The following GRIP2 variants were observed in gnomAD, a reference collection of about 807,000 sequenced individuals.
GRIP2 encodes the protein glutamate receptor interacting protein 2.
GRIP2 carries 58 observed loss-of-function variants against 108.3 expected under a neutral mutation model. The ratio of observed to expected loss-of-function variants is 0.54; its 90% CI spans 0.43 to 0.67. GRIP2 has a LOEUF of 0.67. GRIP2 is among the 30% of genes least tolerant of loss of function. GRIP2 has a pLI of 0.00. For missense variants in GRIP2, 1,278 were observed against 1,430.6 expected, an observed-to-expected ratio of 0.89 and a Z score of 1.72; for synonymous variants, 586 against 598.2, an observed-to-expected ratio of 0.98 and a Z score of 0.30.
intron 11 of GRIP2, among the ~76,000 whole-genome samples, chr3:14,514,749 G>A (rs1219001726): frequency 6.6e-6 from 1 of 152,232 alleles, no homozygotes; most frequent in Non-Finnish European, 1.5e-5. Context: ...AGCAGGTTCT[G>A]GGGGGCAGTG....
chr3:14,517,904 C>A lies in GRIP2; in HGVS notation c.1031-7G>T, dbSNP rs749739107. 10 of 1,541,614 alleles carry A rather than the reference C, an allele frequency of 6.5e-6. No individual in the cohort carries two copies. Among genetic ancestry groups the A allele is most frequent in the Non-Finnish European group, 8.8e-6 (10 of 1,142,770 alleles). Reference sequence around the variant, plus strand: ...TCACTCCTCTGCACTTTCACTGTAGCCAGCGGAGAAAGAGGAAAGAGAGGT... The same window carrying A: ...TCACTCCTCTGCACTTTCACTGTAGACAGCGGAGAAAGAGGAAAGAGAGGT... On this transcript the variant is annotated splice_polypyrimidine_tract_variant and splice_region_variant and intron_variant, in intron 9 of 23. Coordinates refer to ENST00000621039, the MANE Select transcript of GRIP2 (RefSeq NM_001080423.4).
the GRIP2 span, among the ~76,000 whole-genome samples, chr3:14,589,488 C>T: frequency 1.3e-5 from 2 of 152,062 alleles, no homozygotes; most frequent in African/African-American, 4.8e-5. Flanking sequence ...ATTTTTTTTA[C>T]CTGAACAATG....
In GRIP2 at chr3:14,523,657, C is replaced by T. The variant is rs1225980454; in HGVS notation, c.445G>A (p.Val149Ile). The T allele has an allele frequency of 1.9e-6, 3 of 1,612,194 alleles. No individual in the cohort carries two copies. Among genetic ancestry groups the T allele is most frequent in the African/African-American group, 1.3e-5 (1 of 74,908 alleles). The stretch of plus-strand genomic sequence containing the variant: ...CTATTGCCCTCCTTGTAGAGGGAGA[C>T]GTCCACTGTCTTTGAAATGATCCTG... The part of the protein sequence containing the change: ...NPRIISKTVD[V>I]SLYKEGNSFG... The change falls in exon 5 of 24, where the codon GTC becomes ATC. Residue 149 changes from valine (V) to isoleucine (I), a missense_variant. Val to Ile is a conservative substitution (Grantham distance 29). Transcript: ENST00000621039.
At chr3:14,552,906 T>C (rs964416360) in intron 1 of GRIP2, among the ~76,000 whole-genome samples, 7 of 151,988 alleles carry the variant, frequency 4.6e-5, no homozygotes, top group African/African-American at 1.7e-4. Context: ...CCAGATCCTA[T>C]TCTAATACTC....
rs1246694524 is a variant in GRIP2 at position 14,489,966 on chromosome 3, C to T, written c.*3699G>A. 6.6e-6 allele frequency: 1 copy of T among 152,216 alleles called. No homozygotes were observed. Among genetic ancestry groups the T allele is most frequent in the Non-Finnish European group, 1.5e-5 (1 of 68,068 alleles). 9.4% of individuals were successfully genotyped at this position (152,216 alleles called of 1,614,324 possible). ...GGCAGCCTTCCTGCCAACAGCGCCC[C>T]CCACCCTTTGGGATGGACAAACTCG... On this transcript the variant is annotated 3_prime_UTR_variant, in exon 24 of 24. Coordinates refer to ENST00000621039, the MANE Select transcript of GRIP2 (RefSeq NM_001080423.4).
At chr3:14,564,596 G>A in the GRIP2 span, among the ~76,000 whole-genome samples, 1 of 152,244 alleles carries the variant, frequency 6.6e-6, no homozygotes, top group Non-Finnish European at 1.5e-5. Context: ...ACACAAGTCT[G>A]GGGCCTGCAA....
chr3:14,587,300 T>C, the GRIP2 span, among the ~76,000 whole-genome samples: 1 of 152,126 alleles, frequency 6.6e-6, no homozygotes, highest in Non-Finnish European at 1.5e-5. Context: ...ATTAGAAATG[T>C]AGAAAAAGGA....
chr3:14,568,962 C>T, the GRIP2 span, among the ~76,000 whole-genome samples: 1 of 152,192 alleles, frequency 6.6e-6, no homozygotes, highest in East Asian at 1.9e-4. Context: ...CTGACCTGCT[C>T]ACTGGGGCTG....
chr3:14,550,946 G>C (rs1360910505), intron 1 of GRIP2, among the ~76,000 whole-genome samples: 1 of 152,202 alleles, frequency 6.6e-6, no homozygotes, highest in Non-Finnish European at 1.5e-5. Context: ...ATCTGCTTAT[G>C]AGTCACCATC....
chr3:14,563,226 T>G, the GRIP2 span, among the ~76,000 whole-genome samples: 1 of 152,086 alleles, frequency 6.6e-6, no homozygotes, highest in African/African-American at 2.4e-5. Context: ...GCTGCTGCTG[T>G]TGTAATTAGA....
At chr3:14,523,797 C>T (rs1339789880) in intron 4 of GRIP2, 99 bp from the exon 5 acceptor site, 9 of 797,346 alleles carry the variant, frequency 1.1e-5, no homozygotes, top group Non-Finnish European at 1.9e-5. Flanking sequence ...TGATCAGTCA[C>T]AGAGATTACA....
upstream of GRIP2, among the ~76,000 whole-genome samples, chr3:14,542,618 T>G (rs1389345838): frequency 6.6e-6 from 1 of 152,212 alleles, no homozygotes; most frequent in East Asian, 1.9e-4. Flanking sequence ...CCCAAGCTCC[T>G]GGAAAGGTCA....
the GRIP2 span, among the ~76,000 whole-genome samples, chr3:14,585,709 A>T: frequency 6.6e-6 from 1 of 152,208 alleles, no homozygotes; most frequent in Non-Finnish European, 1.5e-5. Context: ...ATACACAGCT[A>T]GCTCAACCAA....
chr3:14,527,423 G>A (rs1358746023), intron 1 of GRIP2, among the ~76,000 whole-genome samples: 3 of 100,308 alleles, frequency 3.0e-5, no homozygotes, highest in Admixed American at 1.1e-4. Context: ...AGCGAGGGGA[G>A]GGGAGGGGAG....
Position 14,521,890 on chromosome 3 carries a change from G to A in GRIP2, c.567-103C>T. ...GGGACATGGAGGATGAAGAAGCAGGGAATGGGTGGGGGAGGAAGGGGAGGA... is the reference window on the plus strand; with the variant it reads ...GGGACATGGAGGATGAAGAAGCAGGAAATGGGTGGGGGAGGAAGGGGAGGA... On this transcript the variant is annotated intron_variant, in intron 6 of 23. Coordinates refer to ENST00000621039, the MANE Select transcript of GRIP2 (RefSeq NM_001080423.4). This position sits in a 1 kb window ranked among gnomAD's most constrained non-coding sequence, Gnocchi z 5.1. 1 of 904,512 alleles carries A rather than the reference G, an allele frequency of 1.1e-6. No individual in the cohort carries two copies. The allele number at this position is 904,512 out of a possible 1,614,324, so 56.0% of individuals were successfully genotyped here. A position where few individuals can be genotyped will look rare whatever the true frequency, so the allele number is the denominator to read the frequency against.
rs565224297 is a variant in GRIP2, at chr3:14,493,723, G to A, written c.3074C>T (p.Thr1025Met). Residue 1025 changes from threonine to methionine, a missense_variant, in exon 24 of 24, where the codon ACG (threonine) becomes ATG (methionine). Coordinates refer to ENST00000621039, the MANE Select transcript of GRIP2 (RefSeq NM_001080423.4). ...LELIISRKPH[T>M]AHSSRAPRSP... ...TCGGGGGGCCCGGCTGCTGTGTGCC[G>A]TGTGCGGCTTGCGGCTGATGATCAG... The A allele has an allele frequency of 1.7e-5, 27 of 1,610,802 alleles. No individual in the cohort carries two copies. Among genetic ancestry groups the A allele is most frequent in the East Asian group, 4.5e-5 (2 of 44,758 alleles).
At position 14,525,656 on chromosome 3, in the gene GRIP2, C is replaced by T; in HGVS notation, c.122-84G>A. ...GCTCTAAGATAAGCGAGGCGAGCAC[C>T]TGGTTGGTAGGGCACTCTGCTGCAT... On this transcript the variant is annotated intron_variant, in intron 2 of 23. Transcript: ENST00000621039. 4.5e-6 allele frequency: 7 copies of T among 1,546,750 alleles called. No homozygotes were observed. The Admixed American group carries it at 8.7e-5, about 19-fold the overall frequency.
the GRIP2 span, among the ~76,000 whole-genome samples, chr3:14,587,801 C>T: frequency 6.6e-6 from 1 of 152,144 alleles, no homozygotes; most frequent in African/African-American, 2.4e-5. Flanking sequence ...GTAGTAAATG[C>T]TGGGTGCGCT....
chr3:14,503,420 C>G, intron 21 of GRIP2, 146 bp downstream of exon 21: 1 of 624,946 alleles, frequency 1.6e-6, no homozygotes, highest in Non-Finnish European at 2.9e-6. Context: ...GTGAAGACAC[C>G]TTTTCCCACA....
Sources: allele counts gnomAD v4.1 joint callset (sites outside exome capture counted in the v4.1 genomes callset), GRCh38; gene constraint gnomAD v4.1.1; non-coding constraint Gnocchi (gnomAD v3.1); transcripts MANE v1.5; gene names NCBI Gene and HGNC (gene_info 2026-07-23, HGNC 2026-07-21).